The following UTP20 variants were observed in gnomAD, a reference collection of about 807,000 sequenced individuals.
UTP20 encodes UTP20 small subunit processome component, also known as small subunit processome component 20 homolog.
UTP20 carries 164 observed loss-of-function variants against 329.5 expected under a neutral mutation model. That is an observed-to-expected ratio of 0.50 (90% CI 0.44 to 0.57). The LOEUF (loss-of-function observed/expected upper bound fraction) is 0.57. Ranked by LOEUF, UTP20 falls within the 20% of genes least tolerant of loss-of-function variation. UTP20 has a pLI of 0.00. For synonymous variants in UTP20, 1,151 were observed against 1,159.3 expected (o/e 0.99, Z 0.14); for missense variants, 3,055 against 3,284.2 (o/e 0.93, Z 1.71).
intron 31 of UTP20, among the ~76,000 whole-genome samples, chr12:101,340,120 C>G (rs1869069859): frequency 6.6e-6 from 1 of 152,098 alleles, no homozygotes; most frequent in African/African-American, 2.4e-5. Context: ...CTGATGATTC[C>G]TATATTGCAG....
At chr12:101,365,648 T>C (rs2121011417) in intron 46 of UTP20, 23 bp downstream of exon 46, 1 of 1,542,116 alleles carries the variant, frequency 6.5e-7, no homozygotes, top group Non-Finnish European at 8.7e-7. Flanking sequence ...AAAAACAAAC[T>C]GTCATTTAGG....
At chr12:101,357,834 C>T (rs1029338966) in intron 43 of UTP20, among the ~76,000 whole-genome samples, 1 of 152,182 alleles carries the variant, frequency 6.6e-6, no homozygotes, top group African/African-American at 2.4e-5. Context: ...CTGCTCCAAG[C>T]ATGGCACCTG....
chr12:101,281,704 A>T (rs1871802020), intron 2 of UTP20, among the ~76,000 whole-genome samples: 1 of 151,844 alleles, frequency 6.6e-6, no homozygotes, highest in Non-Finnish European at 1.5e-5. Context: ...TTTTACTTTT[A>T]TTTATTTATT....
chr12:101,354,697 C>T (rs1869656844), intron 40 of UTP20, 135 bp from the exon 41 acceptor site: 6 of 895,066 alleles, frequency 6.7e-6, no homozygotes, highest in South Asian at 5.1e-5. Flanking sequence ...TTCCTCAGCA[C>T]TTACCTTGCC....
intron 41 of UTP20, 137 bp downstream of exon 41, chr12:101,355,255 C>T: frequency 1.1e-6 from 1 of 952,148 alleles, no homozygotes; most frequent in Non-Finnish European, 1.5e-6. Context: ...TCACAATTCA[C>T]CCCTCTACTC....
Position 101,355,042 on chromosome 12 carries a change from A to G in UTP20, c.5318A>G (p.Glu1773Gly). 5 of 1,614,180 alleles carry G rather than the reference A, an allele frequency of 3.1e-6. No homozygotes were observed. The highest frequency in any genetic ancestry group is 3.4e-6 in the Non-Finnish European group (4 of 1,180,014). ...CTTCCTCAAAACAAGGAAGAAATAG[A>G]GAGAACAATTAAAAATATCCAAGGA... ...SFLPQNKEEI[E>G]RTIKNIQGTI... The change falls in exon 41 of 62, where the codon GAG becomes GGG. Residue 1773 changes from glutamate to glycine, a missense_variant. Physicochemically the swap from Glu to Gly is moderately conservative, Grantham distance 98. This residue lies in a region of UTP20 where 2,445 missense variants were observed against 2,575.5 expected (regional missense o/e 0.95). Coordinates refer to ENST00000261637, the MANE Select transcript of UTP20 (RefSeq NM_014503.3).
intron 12 of UTP20, among the ~76,000 whole-genome samples, chr12:101,297,407 G>T (rs1024153858): frequency 1.3e-5 from 2 of 151,982 alleles, no homozygotes; most frequent in South Asian, 2.1e-4. Context: ...TAGAGACGAG[G>T]TCTCGCTATG....
intron 45 of UTP20, among the ~76,000 whole-genome samples, chr12:101,365,034 C>A (rs1870046582): frequency 6.7e-6 from 1 of 150,204 alleles, no homozygotes; most frequent in South Asian, 2.1e-4. Context: ...GCACTTCATT[C>A]TCGTGGTTTT....
At chr12:101,328,605 A>T (rs1348105811) in intron 26 of UTP20, among the ~76,000 whole-genome samples, 2 of 152,238 alleles carry the variant, frequency 1.3e-5, no homozygotes, top group East Asian at 3.8e-4. Flanking sequence ...ATAGTGGCTC[A>T]GGCCAGTAAT....
At position 101,338,053 on chromosome 12, in the gene UTP20, A is replaced by G. The variant is rs768978919; in HGVS notation, c.3644A>G (p.Tyr1215Cys). Reference sequence around the variant, plus strand: ...TACTACAATGTTTTTTCTTCCAGATATTTCCCTTTGCTGGCTAAACAGAAG... The same window carrying G: ...TACTACAATGTTTTTTCTTCCAGATGTTTCCCTTTGCTGGCTAAACAGAAG... Reference protein sequence around the residue: ...LISIWSRNARYFPLLAKQKPG... With the variant: ...LISIWSRNARCFPLLAKQKPG... Residue 1215 changes from tyrosine to cysteine, a missense_variant and splice_region_variant, in exon 30 of 62, where the codon TAT (tyrosine) becomes TGT (cysteine). Physicochemically the swap from Tyr to Cys is radical, Grantham distance 194. Around this residue, in one of 3 missense-constraint regions of UTP20, gnomAD observed 2,445 missense variants for 2,575.5 expected, o/e 0.95. Transcript: ENST00000261637. The G allele has an allele frequency of 1.2e-6, 2 of 1,613,898 alleles. No homozygotes were observed. The highest frequency in any genetic ancestry group is 4.5e-5 in the East Asian group (2 of 44,884).
intron 16 of UTP20, 86 bp downstream of exon 16, chr12:101,306,151 A>T: frequency 7.1e-7 from 1 of 1,404,884 alleles, no homozygotes; most frequent in Non-Finnish European, 9.5e-7. Flanking sequence ...CATCTTAGTT[A>T]GAAAGTGTTG....
In UTP20 at chr12:101,385,954, A is replaced by G. The variant is rs373273489; in HGVS notation, c.8203-14A>G. The G allele has an allele frequency of 3.9e-6, 6 of 1,541,278 alleles. No homozygotes were observed. The highest frequency in any genetic ancestry group is 5.3e-6 in the Non-Finnish European group (6 of 1,139,076). ...ACTTTAAAAGTAATATAAAATTTCT[A>G]TTCTCTTTTCCAGTTTGTAACTAAT... On this transcript the variant is annotated splice_polypyrimidine_tract_variant and intron_variant, in intron 61 of 61. Coordinates refer to ENST00000261637, the MANE Select transcript of UTP20 (RefSeq NM_014503.3).
At chr12:101,373,339 T>C in intron 52 of UTP20, 62 bp from the exon 53 acceptor site, 1 of 1,473,668 alleles carries the variant, frequency 6.8e-7, no homozygotes, top group Non-Finnish European at 9.4e-7. Flanking sequence ...ATTTTCATTT[T>C]TTAAATAATT....
Position 101,321,599 on chromosome 12 carries a change from A to G in UTP20, c.3011A>G (p.His1004Arg), listed in dbSNP as rs780734604. Residue 1004 changes from histidine to arginine, a missense_variant, in exon 25 of 62, where the codon CAC becomes CGC. Physicochemically the swap from His to Arg is conservative, Grantham distance 29 (BLOSUM62 0). Transcript: ENST00000261637. The part of the protein sequence containing the change: ...SEDNAVVKTA[H>R]RADLFPILMR... ...GATAATGCTGTAGTGAAAACAGCCC[A>G]CCGAGCAGATCTATTTCCTATTCTG... The G allele has an allele frequency of 1.9e-6, 3 of 1,613,674 alleles. No individual in the cohort carries two copies. In the South Asian group the frequency reaches 3.3e-5, roughly 18 times the overall value.
At chr12:101,359,133 G>C (rs1869825319) in intron 43 of UTP20, among the ~76,000 whole-genome samples, 1 of 152,034 alleles carries the variant, frequency 6.6e-6, no homozygotes, top group South Asian at 2.1e-4. Context: ...CTGCGATCTT[G>C]GCTTACTACA....
At chr12:101,324,286 G>A (rs948336141) in intron 25 of UTP20, among the ~76,000 whole-genome samples, 2 of 151,250 alleles carry the variant, frequency 1.3e-5, no homozygotes, top group African/African-American at 2.4e-5. Flanking sequence ...CACCCAGGCT[G>A]GAAGGCAGTG....
At position 101,320,900 on chromosome 12, in the gene UTP20, A is replaced by G. The variant is rs1434048136; in HGVS notation, c.2878A>G (p.Ile960Val). Residue 960 changes from isoleucine (I) to valine (V), a missense_variant, in exon 24 of 62, where the codon ATA becomes GTA. This residue lies in a region of UTP20 where 2,445 missense variants were observed against 2,575.5 expected (regional missense o/e 0.95). Transcript: ENST00000261637. ...GGTGCAAAAAATAACCTTGGATTGC[A>G]TAATGACATATAAACATCCTCATGT... ...QMVQKITLDC[I>V]MTYKHPHVLP... 3 of 1,611,748 alleles carry G rather than the reference A, an allele frequency of 1.9e-6. No individual in the cohort carries two copies. Among genetic ancestry groups the G allele is most frequent in the African/African-American group, 1.3e-5 (1 of 74,858 alleles).
chr12:101,370,612 C>T, intron 50 of UTP20, 49 bp downstream of exon 50: 1 of 1,576,234 alleles, frequency 6.3e-7, no homozygotes, highest in Non-Finnish European at 8.6e-7. Flanking sequence ...AGTTTCACAG[C>T]AGATATTTTG....
At chr12:101,309,955 C>A in intron 19 of UTP20, 116 bp downstream of exon 19, 1 of 867,794 alleles carries the variant, frequency 1.2e-6, no homozygotes, top group Non-Finnish European at 1.8e-6. Flanking sequence ...ATGGTATTTA[C>A]AGTACTTTAA....
Sources: gnomAD v4.1 joint callset for allele counts (sites outside exome capture counted in the v4.1 genomes callset) on GRCh38, gnomAD v4.1.1 for gene constraint, gnomAD v4.1.1 regional missense constraint, MANE v1.5 for transcripts, NCBI Gene and HGNC (gene_info 2026-07-23, HGNC 2026-07-21) for gene names.